KLK2: variants seen among roughly 807,000 people sequenced by gnomAD.
The protein encoded by KLK2 is kallikrein related peptidase 2.
Under a neutral mutation model 23.0 loss-of-function variants are expected in KLK2, and 17 were observed. The ratio of observed to expected loss-of-function variants is 0.74; its 90% CI spans 0.51 to 1.11. The LOEUF is 1.11. Among genes scored for constraint, KLK2 ranks in the 50% least tolerant of loss-of-function variants. KLK2 has a pLI of 0.00. For missense variants in KLK2, 330 were observed against 325.9 expected, an observed-to-expected ratio of 1.01 and a Z score of -0.10; for synonymous variants, 140 against 124.7, an observed-to-expected ratio of 1.12 and a Z score of -0.82.
In KLK2 at chr19:50,874,890, A is replaced by G. The variant is rs773852412; in HGVS notation, c.206+10A>G. ...CCCATTGCCTAAAGAAGTAAGTAGG[A>G]CCCTGGGATCTGGGGAGGGAATGGC... is the stretch of plus-strand genomic sequence containing the variant. On this transcript the variant is annotated intron_variant, in intron 2 of 4. Coordinates refer to ENST00000325321, the MANE Select transcript of KLK2 (RefSeq NM_005551.5). 9 of 1,611,256 alleles carry G rather than the reference A, an allele frequency of 5.6e-6. No homozygotes were observed. The East Asian group carries it at 1.1e-4, about 20-fold the overall frequency.
intron 4 of KLK2, chr19:50,877,220 T>C: frequency 1.6e-6 from 1 of 630,460 alleles, no homozygotes; most frequent in Non-Finnish European, 2.8e-6. Context: ...CACCCATTCC[T>C]GTGTTGAGCA....
In KLK2 at chr19:50,874,811, G is replaced by C. The variant is rs1376485287; in HGVS notation, c.137G>C (p.Gly46Ala). Residue 46 changes from glycine to alanine, a missense_variant, in exon 2 of 5, where the codon GGA becomes GCA. Coordinates refer to ENST00000325321, the MANE Select transcript of KLK2 (RefSeq NM_005551.5). ...TGGCAGGTGGCTGTGTACAGTCATG[G>C]ATGGGCACACTGTGGGGGTGTCCTG... ...QPWQVAVYSH[G>A]WAHCGGVLVH... 19 of 1,613,696 alleles carry C rather than the reference G, an allele frequency of 1.2e-5. No homozygotes were observed. Among genetic ancestry groups the C allele is most frequent in the Non-Finnish European group, 1.5e-5 (18 of 1,179,920 alleles).
In KLK2 at chr19:50,876,955, A is replaced by G. The variant is rs752825789; in HGVS notation, c.577A>G (p.Thr193Ala). 6.2e-7 allele frequency: 1 copy of G among 1,614,050 alleles called. No individual in the cohort carries two copies. The highest frequency in any genetic ancestry group is 8.5e-7 in the Non-Finnish European group (1 of 1,179,902). ...TGCTAGAGCTTACTCTGAGAAGGTG[A>G]CAGAGTTCATGTTGTGTGCTGGGCT... is the stretch of plus-strand genomic sequence containing the variant. ...MCARAYSEKV[T>A]EFMLCAGLWT... is the part of the protein sequence containing the mutation. The change falls in exon 4 of 5, where the codon ACA (threonine) becomes GCA (alanine). Residue 193 changes from threonine (T) to alanine (A), a missense_variant. Thr to Ala is a moderately conservative substitution (Grantham distance 58, BLOSUM62 0). Transcript: ENST00000325321.
rs1473350463 is a variant in KLK2 at position 50,878,486 on chromosome 19, A to G, written c.713A>G (p.Glu238Gly). 1.9e-6 allele frequency: 3 copies of G among 1,613,998 alleles called. No individual in the cohort carries two copies. Among genetic ancestry groups the G allele is most frequent in the Middle Eastern group, 1.6e-4 (1 of 6,082 alleles). The change falls in exon 5 of 5, where the codon GAA becomes GGA. Residue 238 changes from glutamate (E) to glycine (G), a missense_variant. By Grantham distance (98) the Glu-to-Gly change is moderately conservative. Transcript: ENST00000325321. ...SWGPEPCALP[E>G]KPAVYTKVVH... ...GGCCCTGAGCCATGTGCCCTGCCTG[A>G]AAAGCCTGCTGTGTACACCAAGGTG...
rs745505792 is a variant in KLK2, at chr19:50,878,619, C to T, written c.*60C>T. The T allele has an allele frequency of 6.5e-7, 1 of 1,526,952 alleles. No homozygotes were observed. The highest frequency in any genetic ancestry group is 9.0e-7 in the Non-Finnish European group (1 of 1,115,428). 94.6% of individuals were successfully genotyped at this position (1,526,952 alleles called of 1,614,324 possible). A position where few individuals can be genotyped will look rare whatever the true frequency, so the allele number is the denominator to read the frequency against. On this transcript the variant is annotated 3_prime_UTR_variant, in exon 5 of 5. Coordinates refer to ENST00000325321, the MANE Select transcript of KLK2 (RefSeq NM_005551.5). ...AAGTCCACCTCACGTTCTGGCATCA[C>T]TTGGCCTTTCTGGATGCTGGACACC...
Position 50,880,189 on chromosome 19 carries a change from T to C in KLK2, c.*1630T>C. The stretch of plus-strand genomic sequence containing the variant: ...AGCACCGGAGATATGAGATCAACAG[T>C]TTCTTAGCCATAGAGATTCACAGCC... On this transcript the variant is annotated 3_prime_UTR_variant, in exon 5 of 5. Coordinates refer to ENST00000325321, the MANE Select transcript of KLK2 (RefSeq NM_005551.5). The C allele has an allele frequency of 4.3e-6, 1 of 230,374 alleles. No homozygotes were observed. Among genetic ancestry groups the C allele is most frequent in the Non-Finnish European group, 8.6e-6 (1 of 116,254 alleles). The allele number at this position is 230,374 out of a possible 1,614,324, so 14.3% of individuals were successfully genotyped here. A position where few individuals can be genotyped will look rare whatever the true frequency, so the allele number is the denominator to read the frequency against.
At position 50,878,668 on chromosome 19, in the gene KLK2, G is replaced by A. The variant is rs576636585; in HGVS notation, c.*109G>A. On this transcript the variant is annotated 3_prime_UTR_variant, in exon 5 of 5. Coordinates refer to ENST00000325321, the MANE Select transcript of KLK2 (RefSeq NM_005551.5). ...CCTGAAGCTTGGAACTCACCTGGCC[G>A]AAGCTCGAGCCTCCTGAGTCCTACT... is the stretch of plus-strand genomic sequence containing the variant. The A allele has an allele frequency of 2.8e-4, 317 of 1,123,272 alleles. 5 individuals are homozygous for A. In the South Asian group the frequency reaches 4.2e-3, roughly 15 times the overall value. 69.6% of individuals were successfully genotyped at this position (1,123,272 alleles called of 1,614,324 possible).
intron 2 of KLK2, 63 bp from the exon 3 acceptor site, chr19:50,876,409 C>T (rs571572306): frequency 5.7e-5 from 84 of 1,476,458 alleles, no homozygotes; most frequent in Non-Finnish European, 7.6e-5. Flanking sequence ...CCTTATCCTC[C>T]CCTGCCCCAT....
chr19:50,874,424 C>T (rs1197202850), intron 1 of KLK2: 3 of 260,028 alleles, frequency 1.2e-5, no homozygotes, highest in Non-Finnish European at 2.2e-5. Context: ...CCAAATCACT[C>T]CAAATGACCC....
intron 1 of KLK2, chr19:50,874,392 T>C: frequency 4.8e-6 from 1 of 209,768 alleles, no homozygotes. Flanking sequence ...CACCACAGTG[T>C]CCCTTCTCCC....
chr19:50,880,377 T>C lies in KLK2; in HGVS notation c.*1818T>C. On this transcript the variant is annotated 3_prime_UTR_variant, in exon 5 of 5. Coordinates refer to ENST00000325321, the MANE Select transcript of KLK2 (RefSeq NM_005551.5). The stretch of plus-strand genomic sequence containing the variant: ...TGTCATGGTCTTGCTTTACTAAGTT[T>C]TGAGACTGGCAGGTAGTGAAACTCA... 1 of 221,816 alleles carries C rather than the reference T, an allele frequency of 4.5e-6. No individual in the cohort carries two copies. The highest frequency in any genetic ancestry group is 6.5e-5 in the East Asian group (1 of 15,332). The allele number at this position is 221,816 out of a possible 1,614,324, so 13.7% of individuals were successfully genotyped here.
chr19:50,879,313 A>G lies in KLK2; in HGVS notation c.*754A>G, dbSNP rs769044753. The G allele has an allele frequency of 3.0e-5, 7 of 232,456 alleles. No individual in the cohort carries two copies. Among genetic ancestry groups the G allele is most frequent in the East Asian group, 6.1e-5 (1 of 16,504 alleles). 14.4% of individuals were successfully genotyped at this position (232,456 alleles called of 1,614,324 possible). ...GATGTATAGATTAGAGTGTGGAGAAAACAGAGGAAAACTTGCAGTTACGAA... is the reference window on the plus strand; with the variant it reads ...GATGTATAGATTAGAGTGTGGAGAAGACAGAGGAAAACTTGCAGTTACGAA... On this transcript the variant is annotated 3_prime_UTR_variant, in exon 5 of 5. Transcript: ENST00000325321.
chr19:50,876,559 C>A lies in KLK2; in HGVS notation c.294C>A (p.His98Gln). ...TCCCTGTCAGCCACAGCTTCCCACA[C>A]CCGCTCTACAATATGAGCCTTCTGA... is the stretch of plus-strand genomic sequence containing the variant. The part of the protein sequence containing the change: ...QRVPVSHSFP[H>Q]PLYNMSLLKH... Residue 98 changes from histidine (H) to glutamine (Q), a missense_variant, in exon 3 of 5, where the codon CAC becomes CAA. Transcript: ENST00000325321. The A allele has an allele frequency of 6.2e-7, 1 of 1,614,160 alleles. No homozygotes were observed. Among genetic ancestry groups the A allele is most frequent in the Non-Finnish European group, 8.5e-7 (1 of 1,180,004 alleles).
In KLK2 at chr19:50,876,814, G is replaced by C. The variant is rs968979948; in HGVS notation, c.493+56G>C. 5 of 1,610,176 alleles carry C rather than the reference G, an allele frequency of 3.1e-6. No homozygotes were observed. In the South Asian group the frequency reaches 4.4e-5, roughly 14 times the overall value. Reference sequence around the variant, plus strand: ...GCCCAGATGCCTGGGTCTGAGGGAAGTGGGGCCAAAGAACCAGGTGGGGTC... The same window carrying C: ...GCCCAGATGCCTGGGTCTGAGGGAACTGGGGCCAAAGAACCAGGTGGGGTC... On this transcript the variant is annotated intron_variant, in intron 3 of 4. Transcript: ENST00000325321.
intron 1 of KLK2, 172 bp from the exon 2 acceptor site, chr19:50,874,549 C>T: frequency 1.8e-6 from 1 of 558,020 alleles, no homozygotes. Context: ...CACCAACCCG[C>T]TAACGCAGGG....
At chr19:50,876,442 T>C (rs1306165176) in intron 2 of KLK2, 30 bp from the exon 3 acceptor site, 1 of 1,608,958 alleles carries the variant, frequency 6.2e-7, no homozygotes, top group Non-Finnish European at 8.5e-7. Flanking sequence ...ATTTTCTCTC[T>C]CCTCATGCAT....
chr19:50,875,739 C>G (rs1000465860), intron 2 of KLK2: 1 of 152,820 alleles, frequency 6.5e-6, no homozygotes, highest in African/African-American at 2.4e-5. Context: ...GGAGAGGTTG[C>G]AGTGAGCCGA....
In KLK2 at chr19:50,874,808, A is replaced by G; in HGVS notation, c.134A>G (p.His45Arg). The part of the protein sequence containing the change: ...SQPWQVAVYS[H>R]GWAHCGGVLV... Reference sequence around the variant, plus strand: ...CCCTGGCAGGTGGCTGTGTACAGTCATGGATGGGCACACTGTGGGGGTGTC... The same window carrying G: ...CCCTGGCAGGTGGCTGTGTACAGTCGTGGATGGGCACACTGTGGGGGTGTC... Residue 45 changes from histidine (H) to arginine (R), a missense_variant, in exon 2 of 5, where the codon CAT becomes CGT. By Grantham distance (29) the His-to-Arg change is conservative. Coordinates refer to ENST00000325321, the MANE Select transcript of KLK2 (RefSeq NM_005551.5). 1.9e-6 allele frequency: 3 copies of G among 1,613,774 alleles called. No homozygotes were observed. Among genetic ancestry groups the G allele is most frequent in the Non-Finnish European group, 1.7e-6 (2 of 1,179,938 alleles).
At chr19:50,874,503 G>A (rs948286684) in intron 1 of KLK2, 15 of 485,188 alleles carry the variant, frequency 3.1e-5, no homozygotes, top group African/African-American at 1.8e-4. Context: ...GGTCAGCTCC[G>A]TTCTCAGAGC....
Sources: allele counts gnomAD v4.1 joint callset, GRCh38; gene constraint gnomAD v4.1.1; transcripts MANE v1.5; gene names NCBI Gene and HGNC (gene_info 2026-07-23, HGNC 2026-07-21).